The following PTPRD variants were observed in gnomAD, a reference collection of about 807,000 sequenced individuals.
PTPRD encodes protein tyrosine phosphatase receptor type D, also known as receptor-type tyrosine-protein phosphatase delta.
Under a neutral mutation model 214.5 loss-of-function variants are expected in PTPRD, and 34 were observed. The observed-to-expected ratio is 0.16, with a 90% CI of 0.12 to 0.21. PTPRD has a LOEUF of 0.21. PTPRD is among the 10% of genes least tolerant of loss of function. PTPRD has a pLI of 1.00. For missense variants in PTPRD, 2,545 were observed against 2,398.7 expected, an observed-to-expected ratio of 1.06 and a Z score of -1.27; for synonymous variants, 1,128 against 845.7, an observed-to-expected ratio of 1.33 and a Z score of -5.79.
At chr9:10,131,132 G>A (rs894593482) in intron 3 of PTPRD, among the ~76,000 whole-genome samples, 6 of 152,118 alleles carry the variant, frequency 3.9e-5, no homozygotes, top group African/African-American at 1.2e-4. Context: ...CTTTCTGGGA[G>A]GAATAAAGAG....
intron 12 of PTPRD, among the ~76,000 whole-genome samples, chr9:8,733,140 T>C (rs1440991445): frequency 6.6e-6 from 1 of 152,190 alleles, no homozygotes. Context: ...AATTGTCAAG[T>C]TAATGGACCA....
chr9:8,661,934 CCATT>C (rs959838431), intron 12 of PTPRD, among the ~76,000 whole-genome samples: 2 of 151,934 alleles, frequency 1.3e-5, no homozygotes, highest in African/African-American at 2.4e-5. Context: ...ATTTATTTAC[CCATT>C]CATTCATTCA....
chr9:8,670,031 T>A (rs2097251804), intron 12 of PTPRD, among the ~76,000 whole-genome samples: 1 of 151,944 alleles, frequency 6.6e-6, no homozygotes, highest in Admixed American at 6.6e-5. Context: ...TTTTTTTTTT[T>A]TAATTCATCA....
intron 3 of PTPRD, among the ~76,000 whole-genome samples, chr9:10,119,948 GAT>G (rs2154247030): frequency 6.6e-6 from 1 of 152,020 alleles, no homozygotes; most frequent in Non-Finnish European, 1.5e-5. Context: ...AGTCTTTCAC[GAT>G]GTTTCCTTCA....
rs147453134 is a variant in PTPRD at position 9,231,081 on chromosome 9, C to G, written c.-202-47718G>C. 8.1e-3 allele frequency among the ~76,000 whole-genome samples: 1,229 copies of G among 152,088 alleles called. 6 individuals carry two copies. The highest frequency in any genetic ancestry group is 0.012 in the Non-Finnish European group (821 of 68,000). On this transcript the variant is annotated intron_variant, in intron 9 of 45. Coordinates refer to ENST00000381196, the MANE Select transcript of PTPRD (RefSeq NM_002839.4). ...GGGGAGGGGGGAATGGGTGTTCTAA[C>G]AAGTTAGGAACAGAGTTAAAATGCC...
At chr9:10,405,639 G>T (rs1340728394) in intron 2 of PTPRD, among the ~76,000 whole-genome samples, 1 of 151,534 alleles carries the variant, frequency 6.6e-6, no homozygotes, top group Non-Finnish European at 1.5e-5. Flanking sequence ...AATTAAAGAA[G>T]TGTATGTACA....
chr9:8,812,059 A>G (rs1253619584), intron 11 of PTPRD, among the ~76,000 whole-genome samples: 2 of 152,212 alleles, frequency 1.3e-5, no homozygotes, highest in East Asian at 3.9e-4. Flanking sequence ...TTGAACATAA[A>G]TAGCAGAGGA....
At position 10,454,834 on chromosome 9, in the gene PTPRD, C is replaced by T. The variant is rs1002810722; in HGVS notation, c.-599-113817G>A. On this transcript the variant is annotated intron_variant, in intron 2 of 45. Coordinates refer to ENST00000381196, the MANE Select transcript of PTPRD (RefSeq NM_002839.4). ...TTACACACACACACACACACATGCA[C>T]ATGCACACACACATATAATAGAAAA... Among the ~76,000 whole-genome samples, 50 of 151,514 alleles carry T rather than the reference C, an allele frequency of 3.3e-4. 2 individuals carry two copies. The highest frequency in any genetic ancestry group is 4.4e-5 in the Non-Finnish European group (3 of 67,606).
At chr9:9,245,426 G>A (rs890485430) in intron 9 of PTPRD, among the ~76,000 whole-genome samples, 20 of 152,052 alleles carry the variant, frequency 1.3e-4, no homozygotes, top group African/African-American at 4.1e-4. Flanking sequence ...ACACCACGGA[G>A]TACTATGCAG....
chr9:9,974,293 T>C (rs913953644), intron 4 of PTPRD, among the ~76,000 whole-genome samples: 1 of 152,220 alleles, frequency 6.6e-6, no homozygotes, highest in African/African-American at 2.4e-5. Context: ...ACATTTATTT[T>C]TCTATACAAG....
intron 10 of PTPRD, among the ~76,000 whole-genome samples, chr9:9,118,560 A>C (rs2099814511): frequency 6.6e-6 from 1 of 152,214 alleles, no homozygotes. Flanking sequence ...TAATGGAAAC[A>C]GACTGGAATC....
At chr9:9,901,614 G>C (rs2076415782) in intron 5 of PTPRD, among the ~76,000 whole-genome samples, 1 of 152,018 alleles carries the variant, frequency 6.6e-6, no homozygotes, top group Admixed American at 6.6e-5. Context: ...AAAAAGACCA[G>C]AGAAATCTGA....
rs1408352175 is a variant in PTPRD at position 8,315,840 on chromosome 9, AT to A, written c.*2033del. ...AAAACTCTTTAAGAGTTCCTTGGGT[AT>A]TTTGAGGATTATTTAAAATCATGTA... On this transcript the variant is annotated 3_prime_UTR_variant, in exon 46 of 46. Coordinates refer to ENST00000381196, the MANE Select transcript of PTPRD (RefSeq NM_002839.4). 4 of 224,172 alleles carry A rather than the reference AT, an allele frequency of 1.8e-5. No homozygotes were observed. The allele number at this position is 224,172 out of a possible 1,614,324, so 13.9% of individuals were successfully genotyped here.
chr9:8,376,631 A>G lies in PTPRD; in HGVS notation c.4482T>C (p.Cys1494=). 6 of 1,613,080 alleles carry G rather than the reference A, an allele frequency of 3.7e-6. No homozygotes were observed. Among genetic ancestry groups the G allele is most frequent in the South Asian group, 1.1e-5 (1 of 91,068 alleles). ...LLDTVELATY[C]VRTFALYKNG... ...CCTTGTAAAGTGCAAATGTTCGAACACAATATGTGGCCAGCTCCACAGTAT... is the reference window on the plus strand; with the variant it reads ...CCTTGTAAAGTGCAAATGTTCGAACGCAATATGTGGCCAGCTCCACAGTAT... Residue 1494 remains cysteine, a synonymous_variant, in exon 38 of 46, where the codon TGT becomes TGC. Transcript: ENST00000381196.
At chr9:9,787,790 A>G (rs991470218) in intron 5 of PTPRD, among the ~76,000 whole-genome samples, 2 of 151,220 alleles carry the variant, frequency 1.3e-5, no homozygotes, top group African/African-American at 4.9e-5. Context: ...TATTATTATT[A>G]TTATTATTTG....
intron 12 of PTPRD, among the ~76,000 whole-genome samples, chr9:8,660,019 G>A (rs1210058848): frequency 1.3e-5 from 2 of 152,172 alleles, no homozygotes; most frequent in Non-Finnish European, 1.5e-5. Context: ...CCAAATTGGT[G>A]GAGACACCCT....
intron 3 of PTPRD, among the ~76,000 whole-genome samples, chr9:10,206,107 T>A (rs2099475072): frequency 1.5e-5 from 2 of 135,752 alleles, no homozygotes; most frequent in Non-Finnish European, 1.5e-5. Flanking sequence ...TTTAATTGTA[T>A]CTCAAAAAAA....
intron 44 of PTPRD, among the ~76,000 whole-genome samples, chr9:8,330,275 C>T (rs1194877739): frequency 6.6e-6 from 1 of 152,210 alleles, no homozygotes; most frequent in Non-Finnish European, 1.5e-5. Flanking sequence ...GTGTCAATCT[C>T]ACTGGGAACA....
intron 9 of PTPRD, among the ~76,000 whole-genome samples, chr9:9,348,980 T>A (rs560999504): frequency 9.9e-4 from 150 of 152,236 alleles, no homozygotes; most frequent in African/African-American, 3.5e-3. Flanking sequence ...CTGAGGTTAT[T>A]GGTATCTATG....
Sources: allele counts gnomAD v4.1 joint callset (sites outside exome capture counted in the v4.1 genomes callset), GRCh38; gene constraint gnomAD v4.1.1; transcripts MANE v1.5; gene names NCBI Gene and HGNC (gene_info 2026-07-23, HGNC 2026-07-21).